The following RBFOX1 variants were observed in gnomAD, a reference collection of about 807,000 sequenced individuals.
RBFOX1 encodes RNA binding fox-1 homolog 1, also known as RNA binding protein fox-1 homolog 1.
In RBFOX1, 8 loss-of-function variants were observed where a neutral mutation model predicts 57.7. The observed-to-expected ratio is 0.14, with a 90% CI of 0.08 to 0.25. The LOEUF is 0.25. Ranked by LOEUF, RBFOX1 falls within the 10% of genes least tolerant of loss-of-function variation. RBFOX1 has a pLI of 1.00. For missense variants in RBFOX1, 611 were observed against 548.5 expected (o/e 1.11, Z -1.14); for synonymous variants, 326 against 222.4 (o/e 1.47, Z -4.15).
At chr16:7,518,073 A>T (rs1490948374) in intron 4 of RBFOX1, 74 bp from the exon 5 acceptor site, 1 of 1,531,712 alleles carries the variant, frequency 6.5e-7, no homozygotes, top group Non-Finnish European at 8.9e-7. Context: ...TCGTCCTGGG[A>T]TCTGGGAGGA....
intron 1 of RBFOX1, among the ~76,000 whole-genome samples, chr16:5,365,592 C>T (rs1346640617): frequency 6.6e-6 from 1 of 152,132 alleles, no homozygotes; most frequent in Admixed American, 6.5e-5. Context: ...TCGCTTGTAC[C>T]CTGGAGGTGG....
At chr16:5,650,436 C>A (rs1434697514) in intron 3 of RBFOX1, among the ~76,000 whole-genome samples, 1 of 152,052 alleles carries the variant, frequency 6.6e-6, no homozygotes, top group Non-Finnish European at 1.5e-5. Flanking sequence ...ACCTGGATGC[C>A]CAGTCTGCAT....
chr16:6,852,904 G>A (rs765475627), intron 3 of RBFOX1, among the ~76,000 whole-genome samples: 1 of 152,134 alleles, frequency 6.6e-6, no homozygotes, highest in African/African-American at 2.4e-5. Flanking sequence ...CACACAAGGT[G>A]CATGCTGGGA....
At chr16:5,598,527 A>T (rs2047262616) in intron 2 of RBFOX1, among the ~76,000 whole-genome samples, 2 of 152,214 alleles carry the variant, frequency 1.3e-5, no homozygotes, top group South Asian at 4.1e-4. Flanking sequence ...ACATAGCAAT[A>T]TATTTTATTT....
At chr16:6,513,058 T>C (rs1467037722) in intron 2 of RBFOX1, among the ~76,000 whole-genome samples, 2 of 152,194 alleles carry the variant, frequency 1.3e-5, no homozygotes, top group East Asian at 1.9e-4. Flanking sequence ...TCAATCAATA[T>C]GGCACAGTAT....
chr16:6,969,343 G>A (rs1031820361), intron 3 of RBFOX1, among the ~76,000 whole-genome samples: 5 of 152,150 alleles, frequency 3.3e-5, no homozygotes, highest in Non-Finnish European at 7.3e-5. Flanking sequence ...GAGGGAGGCA[G>A]TGTCATGCAG....
chr16:7,122,904 A>T (rs941126642), intron 4 of RBFOX1, among the ~76,000 whole-genome samples: 1 of 152,178 alleles, frequency 6.6e-6, no homozygotes, highest in African/African-American at 2.4e-5. Context: ...GACAACTTGG[A>T]TCTATTTCAA....
intron 4 of RBFOX1, among the ~76,000 whole-genome samples, chr16:5,982,047 A>G (rs2060184977): frequency 6.6e-6 from 1 of 152,204 alleles, no homozygotes; most frequent in Non-Finnish European, 1.5e-5. Context: ...TCAAAAGGCC[A>G]GGACACATCT....
chr16:7,388,006 C>CAAACA (rs1246427880), intron 4 of RBFOX1, among the ~76,000 whole-genome samples: 2 of 151,818 alleles, frequency 1.3e-5, no homozygotes, highest in South Asian at 4.2e-4. Context: ...AAGAGCAAAG[C>CAAACA]AAACAAAACA....
intron 4 of RBFOX1, among the ~76,000 whole-genome samples, chr16:7,097,026 G>C (rs1322590790): frequency 6.6e-6 from 1 of 151,526 alleles, no homozygotes; most frequent in East Asian, 1.9e-4. Context: ...AATGAATCCT[G>C]GTTTGGTAAA....
At chr16:6,445,873 G>T (rs149738434) in intron 2 of RBFOX1, among the ~76,000 whole-genome samples, 2 of 151,474 alleles carry the variant, frequency 1.3e-5, no homozygotes, top group East Asian at 4.0e-4. Context: ...GAGCCACTGC[G>T]CCCGGCCATC....
chr16:5,977,410 C>T (rs755079698), intron 4 of RBFOX1, among the ~76,000 whole-genome samples: 26 of 152,278 alleles, frequency 1.7e-4, no homozygotes, highest in Non-Finnish European at 2.9e-4. Context: ...TCCCTACGAT[C>T]CCTGGTAATG....
chr16:7,419,926 T>C (rs1360612758), intron 4 of RBFOX1, among the ~76,000 whole-genome samples: 1 of 42,120 alleles, frequency 2.4e-5, no homozygotes, highest in Non-Finnish European at 3.7e-5. Context: ...TCTTTCTTCC[T>C]TTTTTTTTTT....
intron 3 of RBFOX1, among the ~76,000 whole-genome samples, chr16:6,656,249 C>T (rs1415238477): frequency 1.3e-5 from 2 of 152,192 alleles, no homozygotes; most frequent in African/African-American, 4.8e-5. Flanking sequence ...TTCCAAAGGT[C>T]ATTGGCATTT....
chr16:6,802,200 A>T (rs146769317), intron 3 of RBFOX1, among the ~76,000 whole-genome samples: 1 of 152,158 alleles, frequency 6.6e-6, no homozygotes, highest in East Asian at 1.9e-4. Flanking sequence ...GCCTTTGTAG[A>T]TGGGCTCTGG....
At chr16:5,368,326 C>G (rs560944935) in intron 1 of RBFOX1, among the ~76,000 whole-genome samples, 5 of 152,296 alleles carry the variant, frequency 3.3e-5, no homozygotes, top group Admixed American at 1.3e-4. Context: ...CCTCCCAGTT[C>G]TTTTTCCTGG....
intron 1 of RBFOX1, among the ~76,000 whole-genome samples, chr16:6,298,107 A>G (rs1440977725): frequency 2.0e-5 from 3 of 152,206 alleles, no homozygotes; most frequent in Non-Finnish European, 4.4e-5. Flanking sequence ...CAAGGCTAAA[A>G]GAGCACACTG....
intron 2 of RBFOX1, among the ~76,000 whole-genome samples, chr16:6,487,673 T>TA (rs777856402): frequency 1.5e-3 from 58 of 38,772 alleles, no homozygotes; most frequent in Non-Finnish European, 2.0e-3. Flanking sequence ...GTGATATATG[T>TA]AAAAAAAAAA....
chr16:6,017,694 A>G (rs1250415232), upstream of RBFOX1, among the ~76,000 whole-genome samples: 1 of 152,228 alleles, frequency 6.6e-6, no homozygotes, highest in African/African-American at 2.4e-5. Flanking sequence ...TTAAAAAGTA[A>G]TATAGTTATA....
Sources: allele counts gnomAD v4.1 joint callset (sites outside exome capture counted in the v4.1 genomes callset), GRCh38; gene constraint gnomAD v4.1.1; transcripts MANE v1.5; gene names NCBI Gene and HGNC (gene_info 2026-07-23, HGNC 2026-07-21).